Variants in HBS1L observed in about 807,000 individuals in gnomAD.
HBS1L encodes the protein HBS1 like translational GTPase, also known as HBS1-like protein.
A neutral mutation model predicts 88.9 loss-of-function variants in HBS1L; 55 were observed. The ratio of observed to expected loss-of-function variants is 0.62; its 90% CI spans 0.50 to 0.77. The LOEUF is 0.77. HBS1L is among the 30% of genes least tolerant of loss of function. The probability of loss-of-function intolerance (pLI) is 0.00; values close to 1 mark genes in which losing one functional copy is unlikely to be tolerated. For synonymous variants in HBS1L, 267 were observed against 288.5 expected, an observed-to-expected ratio of 0.93 and a Z score of 0.76; for missense variants, 741 against 829.3, an observed-to-expected ratio of 0.89 and a Z score of 1.31.
chr6:135,024,311 G>A (rs1449913384), intron 4 of HBS1L, among the ~76,000 whole-genome samples: 1 of 151,802 alleles, frequency 6.6e-6, no homozygotes, highest in African/African-American at 2.4e-5. Flanking sequence ...ATGGTGGCGG[G>A]TGCCTGTAGT....
intron 2 of HBS1L, among the ~76,000 whole-genome samples, chr6:135,049,840 G>C (rs561407106): frequency 6.6e-6 from 1 of 152,222 alleles, no homozygotes; most frequent in Non-Finnish European, 1.5e-5. Flanking sequence ...CCAGAGTGCC[G>C]GGATTACAGG....
intron 17 of HBS1L, among the ~76,000 whole-genome samples, chr6:134,965,914 T>A (rs1774300366): frequency 6.6e-6 from 1 of 152,202 alleles, no homozygotes; most frequent in Admixed American, 6.5e-5. Context: ...TCCAATTAAA[T>A]AAACTAGTTT....
chr6:134,973,753 T>C (rs943210084), intron 15 of HBS1L, among the ~76,000 whole-genome samples: 4 of 151,934 alleles, frequency 2.6e-5, no homozygotes, highest in African/African-American at 9.7e-5. Flanking sequence ...GGAGAACTGC[T>C]TGAGCCCAGG....
Position 134,965,239 on chromosome 6 carries a change from A to C in HBS1L, c.*40T>G, listed in dbSNP as rs1774277050. On this transcript the variant is annotated 3_prime_UTR_variant, in exon 18 of 18. Transcript: ENST00000367837. ...TGCATTCTTGAAACAGAGGTTAGCT[A>C]TTTCACTGTATCCAGAAACGTGGTA... is the stretch of plus-strand genomic sequence containing the variant. The C allele has an allele frequency of 7.9e-6, 12 of 1,510,538 alleles. No homozygotes were observed. Among genetic ancestry groups the C allele is most frequent in the Non-Finnish European group, 1.0e-5 (11 of 1,087,746 alleles). The allele number at this position is 1,510,538 out of a possible 1,614,324, so 93.6% of individuals were successfully genotyped here.
intron 1 of HBS1L, 148 bp from the exon 2 acceptor site, chr6:135,050,795 A>C (rs1458239817): frequency 1.0e-5 from 6 of 594,830 alleles, no homozygotes; most frequent in Non-Finnish European, 1.5e-5. Flanking sequence ...AAAACTCTTA[A>C]GAATTTCACC....
At chr6:135,049,090 G>C (rs138996821) in intron 2 of HBS1L, among the ~76,000 whole-genome samples, 2 of 152,224 alleles carry the variant, frequency 1.3e-5, no homozygotes, top group Admixed American at 1.3e-4. Context: ...CAAGGAGGAT[G>C]TATTAGTCCA....
At chr6:135,035,794 G>GCAT (rs1776527496) in intron 4 of HBS1L, 2 of 132,998 alleles carry the variant, frequency 1.5e-5, no homozygotes, top group African/African-American at 3.2e-5. Context: ...AAAAAAAGCA[G>GCAT]CAGCAGCAGC....
At chr6:135,019,527 T>A (rs570579130) in intron 4 of HBS1L, among the ~76,000 whole-genome samples, 1 of 152,056 alleles carries the variant, frequency 6.6e-6, no homozygotes, top group East Asian at 1.9e-4. Flanking sequence ...TGCCACACAC[T>A]GTTTTTAGTG....
At chr6:134,987,573 T>G in intron 9 of HBS1L, 72 bp downstream of exon 9, 1 of 1,171,186 alleles carries the variant, frequency 8.5e-7, no homozygotes, top group East Asian at 2.7e-5. Context: ...TAGTCACATC[T>G]AAGTCATCTA....
At chr6:134,991,462 A>C (rs1380634105) in intron 8 of HBS1L, among the ~76,000 whole-genome samples, 2 of 152,336 alleles carry the variant, frequency 1.3e-5, no homozygotes, top group Non-Finnish European at 2.9e-5. Context: ...TAAATGCAAA[A>C]TCCATGCACA....
chr6:135,037,741 T>C (rs762657190), intron 4 of HBS1L: 158 of 1,550,978 alleles, frequency 1.0e-4, no homozygotes, highest in Non-Finnish European at 1.3e-4. Flanking sequence ...GACTGATGGC[T>C]GACTTTCACA....
intron 10 of HBS1L, 39 bp from the exon 11 acceptor site, chr6:134,986,222 T>C: frequency 9.8e-7 from 1 of 1,022,826 alleles, no homozygotes; most frequent in Non-Finnish European, 1.5e-6. Flanking sequence ...AATACAACAT[T>C]TTTTAAAACA....
At chr6:134,987,574 A>G in intron 9 of HBS1L, 71 bp downstream of exon 9, 1 of 1,171,966 alleles carries the variant, frequency 8.5e-7, no homozygotes, top group East Asian at 2.7e-5. Context: ...AGTCACATCT[A>G]AGTCATCTAT....
chr6:134,990,795 G>A (rs1452559794), intron 8 of HBS1L, among the ~76,000 whole-genome samples: 1 of 152,050 alleles, frequency 6.6e-6, no homozygotes, highest in Non-Finnish European at 1.5e-5. Flanking sequence ...GAAGCAATCT[G>A]CCCACCTCAG....
chr6:134,968,700 G>A (rs1482240147), intron 16 of HBS1L, among the ~76,000 whole-genome samples: 1 of 151,286 alleles, frequency 6.6e-6, no homozygotes, highest in African/African-American at 2.4e-5. Flanking sequence ...CTAATCAGCA[G>A]GCCCAACAGG....
intron 1 of HBS1L, 53 bp downstream of exon 1, chr6:135,054,596 G>C (rs995131346): frequency 9.4e-6 from 15 of 1,591,622 alleles, no homozygotes; most frequent in Non-Finnish European, 1.3e-5. Context: ...CAACGGGCTA[G>C]GATCCCAGCT....
intron 4 of HBS1L, among the ~76,000 whole-genome samples, chr6:135,018,610 G>C (rs533228345): frequency 6.6e-6 from 1 of 151,888 alleles, no homozygotes; most frequent in East Asian, 1.9e-4. Context: ...ATAGCACTAA[G>C]AATTCTTGTT....
intron 3 of HBS1L, among the ~76,000 whole-genome samples, chr6:135,040,344 C>A (rs1313621242): frequency 2.7e-5 from 3 of 110,062 alleles, no homozygotes; most frequent in Non-Finnish European, 3.5e-5. Context: ...GATAGGCATT[C>A]TTTTTTTTTT....
At position 135,030,322 on chromosome 6, in the gene HBS1L, A is replaced by G. The variant is rs1583137123; in HGVS notation, c.430+9251T>C. Among the ~76,000 whole-genome samples the G allele has an allele frequency of 4.6e-5, 7 of 152,294 alleles. No homozygotes were observed. In the South Asian group the frequency reaches 1.5e-3, roughly 32 times the overall value. ...AGGGAGAACGGTGAACTATGGGTGC[A>G]TATGAAAGTTCCCCTACCCCATGAT... On this transcript the variant is annotated intron_variant, in intron 4 of 17. Transcript: ENST00000367837.
Sources: allele counts gnomAD v4.1 joint callset (sites outside exome capture counted in the v4.1 genomes callset), GRCh38; gene constraint gnomAD v4.1.1; transcripts MANE v1.5; gene names NCBI Gene and HGNC (gene_info 2026-07-23, HGNC 2026-07-21).